Variants in PTPRD observed in about 807,000 individuals in gnomAD.
PTPRD encodes the protein receptor-type tyrosine-protein phosphatase delta.
PTPRD carries 34 observed loss-of-function variants against 214.5 expected under a neutral mutation model. The ratio of observed to expected loss-of-function variants is 0.16; its 90% CI spans 0.12 to 0.21. The LOEUF (loss-of-function observed/expected upper bound fraction) is 0.21, where lower values mean the gene tolerates loss of function less well. PTPRD is among the 10% of genes least tolerant of loss of function. The pLI, the probability that PTPRD is intolerant of heterozygous loss-of-function variation, is 1.00. For synonymous variants in PTPRD, 1,128 were observed against 845.7 expected, an observed-to-expected ratio of 1.33 and a Z score of -5.79; for missense variants, 2,545 against 2,398.7, an observed-to-expected ratio of 1.06 and a Z score of -1.27.
intron 9 of PTPRD, among the ~76,000 whole-genome samples, chr9:9,271,973 C>A (rs2132860815): frequency 6.6e-6 from 1 of 151,330 alleles, no homozygotes; most frequent in Middle Eastern, 3.4e-3. Flanking sequence ...ATTATTATTT[C>A]TTTCATGAGG....
chr9:10,134,530 C>G (rs1236839422), intron 3 of PTPRD, among the ~76,000 whole-genome samples: 1 of 152,104 alleles, frequency 6.6e-6, no homozygotes, highest in Non-Finnish European at 1.5e-5. Context: ...CTGATTTACA[C>G]CACCAAAACC....
intron 39 of PTPRD, among the ~76,000 whole-genome samples, chr9:8,349,327 T>G (rs906921341): frequency 6.6e-6 from 1 of 152,198 alleles, no homozygotes; most frequent in Non-Finnish European, 1.5e-5. Flanking sequence ...TACTTTTGTT[T>G]GAATTTCCAA....
At chr9:10,179,020 T>C (rs1292764638) in intron 3 of PTPRD, among the ~76,000 whole-genome samples, 1 of 151,750 alleles carries the variant, frequency 6.6e-6, no homozygotes, top group Non-Finnish European at 1.5e-5. Flanking sequence ...TCATGAACAA[T>C]CAAATAAGAG....
chr9:9,837,466 C>G (rs1008295810), intron 5 of PTPRD, among the ~76,000 whole-genome samples: 2 of 152,056 alleles, frequency 1.3e-5, no homozygotes, highest in East Asian at 3.9e-4. Context: ...TTGTATTAAT[C>G]TTGATGGGAA....
intron 9 of PTPRD, among the ~76,000 whole-genome samples, chr9:9,293,461 G>GAAC (rs2134223471): frequency 6.7e-6 from 1 of 148,908 alleles, no homozygotes; most frequent in Admixed American, 6.8e-5. Context: ...GGCATATCTT[G>GAAC]TGTAGTTCCT....
intron 5 of PTPRD, among the ~76,000 whole-genome samples, chr9:9,874,200 T>A (rs2066225031): frequency 6.6e-6 from 1 of 152,136 alleles, no homozygotes; most frequent in Admixed American, 6.5e-5. Context: ...GCCAGTGGGC[T>A]GTGGAGTGAG....
At chr9:8,373,820 GTA>G (rs2082281419) in intron 39 of PTPRD, among the ~76,000 whole-genome samples, 19 of 98,986 alleles carry the variant, frequency 1.9e-4, no homozygotes, top group African/African-American at 1.0e-3. Flanking sequence ...ATGTATGTAT[GTA>G]TGTATGTATG....
chr9:8,386,823 C>G (rs1013838970), intron 37 of PTPRD, among the ~76,000 whole-genome samples: 3 of 152,092 alleles, frequency 2.0e-5, no homozygotes, highest in Non-Finnish European at 4.4e-5. Flanking sequence ...AAAAGAGCAA[C>G]TGGATAGGGA....
intron 7 of PTPRD, among the ~76,000 whole-genome samples, chr9:9,596,445 C>T (rs2093359059): frequency 6.6e-6 from 1 of 152,040 alleles, no homozygotes; most frequent in South Asian, 2.1e-4. Context: ...CTACTGTTCA[C>T]TTTGTAGAAA....
intron 7 of PTPRD, among the ~76,000 whole-genome samples, chr9:9,664,730 T>G (rs1440503959): frequency 6.6e-6 from 1 of 151,704 alleles, no homozygotes; most frequent in Non-Finnish European, 1.5e-5. Flanking sequence ...AATCTCCTTT[T>G]GAAGGAGTCT....
intron 8 of PTPRD, among the ~76,000 whole-genome samples, chr9:9,437,743 C>T (rs1346475767): frequency 2.6e-5 from 4 of 152,200 alleles, no homozygotes; most frequent in Middle Eastern, 3.4e-3. Flanking sequence ...TGATTTGACA[C>T]GGGACTGAGA....
At chr9:8,608,381 T>A (rs2175595) in intron 14 of PTPRD, among the ~76,000 whole-genome samples, 29,553 of 152,096 alleles carry the variant, frequency 0.19, 3,065 homozygotes, top group South Asian at 0.31. Context: ...ATAAAGAGAT[T>A]AGATAGGAAG....
At chr9:10,232,933 T>C (rs1263338333) in intron 3 of PTPRD, among the ~76,000 whole-genome samples, 1 of 151,916 alleles carries the variant, frequency 6.6e-6, no homozygotes, top group African/African-American at 2.4e-5. Context: ...CATTCCATTC[T>C]TCCTCACTAT....
chr9:8,828,384 C>A (rs1238931319), intron 11 of PTPRD, among the ~76,000 whole-genome samples: 1 of 152,168 alleles, frequency 6.6e-6, no homozygotes. Flanking sequence ...GAAATGACTT[C>A]TCACTGCCAT....
At chr9:9,647,098 C>T (rs1020919178) in intron 7 of PTPRD, among the ~76,000 whole-genome samples, 1 of 152,046 alleles carries the variant, frequency 6.6e-6, no homozygotes, top group Admixed American at 6.6e-5. Context: ...ATAAATTTTT[C>T]GGGTCTGTTG....
intron 9 of PTPRD, among the ~76,000 whole-genome samples, chr9:9,319,618 A>T (rs1965369618): frequency 6.6e-6 from 1 of 152,160 alleles, no homozygotes; most frequent in African/African-American, 2.4e-5. Context: ...TTCATACTTT[A>T]CCAAGTGTAT....
chr9:9,359,619 A>T (rs546830700), intron 9 of PTPRD, among the ~76,000 whole-genome samples: 7 of 151,334 alleles, frequency 4.6e-5, no homozygotes, highest in African/African-American at 1.7e-4. Context: ...TCACATGGAG[A>T]TGTGGTATGA....
At chr9:9,241,927 T>A (rs1251128670) in intron 9 of PTPRD, among the ~76,000 whole-genome samples, 1 of 152,096 alleles carries the variant, frequency 6.6e-6, no homozygotes, top group East Asian at 1.9e-4. Flanking sequence ...TTGATGCAAC[T>A]TCTTCCCAGC....
intron 11 of PTPRD, among the ~76,000 whole-genome samples, chr9:8,842,188 T>C (rs1211459212): frequency 6.6e-6 from 1 of 151,474 alleles, no homozygotes; most frequent in Non-Finnish European, 1.5e-5. Flanking sequence ...CTGTAGGAGG[T>C]GACAGAAATT....
Sources: allele counts gnomAD v4.1 joint callset (sites outside exome capture counted in the v4.1 genomes callset), GRCh38; gene constraint gnomAD v4.1.1; transcripts MANE v1.5; gene names NCBI Gene and HGNC (gene_info 2026-07-23, HGNC 2026-07-21).